Variants in RYR2 observed in about 807,000 individuals in gnomAD.
RYR2 encodes cardiac muscle ryanodine receptor-calcium release channel.
In RYR2, 227 loss-of-function variants were observed where a neutral mutation model predicts 601.1. That is an observed-to-expected ratio of 0.38 (90% CI 0.34 to 0.42). The LOEUF (loss-of-function observed/expected upper bound fraction) is 0.42, where lower values mean the gene tolerates loss of function less well. Among genes scored for constraint, RYR2 ranks in the 10% least tolerant of loss-of-function variants. The pLI is 1.00. For missense variants in RYR2, 4,646 were observed against 6,156.5 expected, an observed-to-expected ratio of 0.75 and a Z score of 8.21; for synonymous variants, 2,223 against 2,175.1, an observed-to-expected ratio of 1.02 and a Z score of -0.61.
intron 57 of RYR2, among the ~76,000 whole-genome samples, chr1:237,667,160 A>G (rs1235929361): frequency 6.6e-6 from 1 of 152,198 alleles, no homozygotes; most frequent in Non-Finnish European, 1.5e-5. Flanking sequence ...TTGAAATAGC[A>G]GATTTGAAAG....
chr1:237,625,053 T>TATA (rs113298671), intron 39 of RYR2, among the ~76,000 whole-genome samples: 26 of 145,128 alleles, frequency 1.8e-4, no homozygotes, highest in African/African-American at 2.6e-4. Context: ...TATATATATA[T>TATA]TTTTTTTTTT....
chr1:237,771,677 T>C (rs183291717), intron 85 of RYR2, among the ~76,000 whole-genome samples: 1 of 152,246 alleles, frequency 6.6e-6, no homozygotes, highest in East Asian at 1.9e-4. Context: ...AAGTGATTAA[T>C]GAATAAATAA....
At chr1:237,228,478 TG>T (rs1308114684) in intron 1 of RYR2, among the ~76,000 whole-genome samples, 2 of 152,348 alleles carry the variant, frequency 1.3e-5, no homozygotes, top group African/African-American at 4.8e-5. Context: ...TCTTTTCCTC[TG>T]GGAACTTAAC....
At chr1:237,133,083 A>C (rs1672327021) in intron 1 of RYR2, among the ~76,000 whole-genome samples, 1 of 152,180 alleles carries the variant, frequency 6.6e-6, no homozygotes, top group Non-Finnish European at 1.5e-5. Context: ...CAGAGGAGAC[A>C]GCGTGGGTTG....
At chr1:237,343,060 T>C (rs1245977428) in intron 3 of RYR2, among the ~76,000 whole-genome samples, 1 of 151,978 alleles carries the variant, frequency 6.6e-6, no homozygotes, top group African/African-American at 2.4e-5. Context: ...TAAAAAAAAT[T>C]AGCTGGACAT....
chr1:237,555,015 T>C (rs1559019270), intron 27 of RYR2: 1 of 152,112 alleles, frequency 6.6e-6, no homozygotes. Context: ...TTATGAGTGA[T>C]CTGCTGTGGT....
chr1:237,321,506 A>G (rs1695627321), intron 2 of RYR2, among the ~76,000 whole-genome samples: 1 of 152,226 alleles, frequency 6.6e-6, no homozygotes, highest in Admixed American at 6.5e-5. Context: ...AAAGTGGGCC[A>G]AGGATGTTGG....
chr1:237,603,050 C>T (rs1676684914), intron 35 of RYR2, among the ~76,000 whole-genome samples: 1 of 152,144 alleles, frequency 6.6e-6, no homozygotes, highest in African/African-American at 2.4e-5. Flanking sequence ...GTGATTTCTG[C>T]CCAGTGCTCT....
rs931521804 is a variant in RYR2 at position 237,709,018 on chromosome 1, C to T, written c.10062C>T (p.Leu3354=). ...ARGDMSEAEL[L]ILDEFTTLAR... is the part of the protein sequence containing the mutation. ...GGGACATGTCGGAGGCAGAACTCCT[C>T]ATCCTAGATGAGTTCACCACACTGG... is the stretch of plus-strand genomic sequence containing the variant. The change falls in exon 69 of 105, where the codon CTC becomes CTT. Residue 3354 remains leucine (L), a synonymous_variant. Coordinates refer to ENST00000366574, the MANE Select transcript of RYR2 (RefSeq NM_001035.3). The T allele has an allele frequency of 8.7e-6, 14 of 1,613,370 alleles. No individual in the cohort carries two copies. Among genetic ancestry groups the T allele is most frequent in the Non-Finnish European group, 1.0e-5 (12 of 1,179,378 alleles).
At chr1:237,714,850 C>T (rs537188048) in intron 71 of RYR2, among the ~76,000 whole-genome samples, 18 of 151,672 alleles carry the variant, frequency 1.2e-4, no homozygotes, top group Admixed American at 9.9e-4. Context: ...AAAAATTAGC[C>T]AGGCGTGGTG....
At chr1:237,299,677 T>C (rs1300031986) in intron 2 of RYR2, among the ~76,000 whole-genome samples, 2 of 152,162 alleles carry the variant, frequency 1.3e-5, no homozygotes, top group African/African-American at 4.8e-5. Context: ...TTTTATACTT[T>C]GACATGTTCT....
chr1:237,401,060 A>G (rs1035471809), intron 10 of RYR2, among the ~76,000 whole-genome samples: 7 of 152,354 alleles, frequency 4.6e-5, no homozygotes, highest in South Asian at 2.1e-4. Flanking sequence ...ATCAAATAAT[A>G]TTAATTGCCA....
intron 1 of RYR2, among the ~76,000 whole-genome samples, chr1:237,232,729 A>C (rs1685131363): frequency 6.6e-6 from 1 of 152,018 alleles, no homozygotes; most frequent in Admixed American, 6.6e-5. Flanking sequence ...TTAACCGGGG[A>C]ATCTGAGGCC....
chr1:237,748,190 A>G (rs552274135), intron 80 of RYR2, among the ~76,000 whole-genome samples: 1 of 152,228 alleles, frequency 6.6e-6, no homozygotes, highest in South Asian at 2.1e-4. Flanking sequence ...GGGCAAGTAG[A>G]AGATAGAGTG....
chr1:237,618,848 A>T (rs904301823), intron 38 of RYR2, among the ~76,000 whole-genome samples: 1 of 152,168 alleles, frequency 6.6e-6, no homozygotes, highest in South Asian at 2.1e-4. Context: ...CCAAAGTATC[A>T]GTAGAGGTTA....
At chr1:237,193,689 C>T (rs950507527) in intron 1 of RYR2, among the ~76,000 whole-genome samples, 4 of 152,106 alleles carry the variant, frequency 2.6e-5, no homozygotes, top group African/African-American at 9.7e-5. Flanking sequence ...TTTTATGTAA[C>T]TCACATTTCT....
At chr1:237,340,264 C>T (rs562052938) in intron 3 of RYR2, among the ~76,000 whole-genome samples, 37 of 152,284 alleles carry the variant, frequency 2.4e-4, no homozygotes, top group African/African-American at 8.9e-4. Flanking sequence ...CCATTCTCCA[C>T]CTGTCTCATT....
At position 237,298,889 on chromosome 1, in the gene RYR2, A is replaced by G. The variant is rs564217225; in HGVS notation, c.168+28273A>G. ...GTGGTGCACACCTGTAGTTCCACATACTTGGGAGTCTGAAGTGGGAAGATC... is the reference window on the plus strand; with the variant it reads ...GTGGTGCACACCTGTAGTTCCACATGCTTGGGAGTCTGAAGTGGGAAGATC... On this transcript the variant is annotated intron_variant, in intron 2 of 104. Coordinates refer to ENST00000366574, the MANE Select transcript of RYR2 (RefSeq NM_001035.3). Among the ~76,000 whole-genome samples the G allele has an allele frequency of 3.3e-5, 5 of 152,198 alleles. No homozygotes were observed. The South Asian group carries it at 1.0e-3, about 32-fold the overall frequency.
chr1:237,242,198 TTTTG>T (rs55825600), intron 1 of RYR2, among the ~76,000 whole-genome samples: 11 of 150,610 alleles, frequency 7.3e-5, no homozygotes, highest in African/African-American at 2.7e-4. Context: ...TCACTGTTTT[TTTTG>T]TTTGTTTGTT....
Sources: gnomAD v4.1 joint callset for allele counts (sites outside exome capture counted in the v4.1 genomes callset) on GRCh38, gnomAD v4.1.1 for gene constraint, MANE v1.5 for transcripts, NCBI Gene and HGNC (gene_info 2026-07-23, HGNC 2026-07-21) for gene names.